The following ATP10B variants were observed in gnomAD, a reference collection of about 807,000 sequenced individuals.
The protein encoded by ATP10B is phospholipid-transporting ATPase VB.
ATP10B carries 122 observed loss-of-function variants against 141.2 expected under a neutral mutation model. The observed-to-expected ratio is 0.86, with a 90% CI of 0.75 to 1.00. The LOEUF is 1.00. Ranked by LOEUF, ATP10B falls within the 50% of genes least tolerant of loss-of-function variation. ATP10B has a pLI of 0.00. For missense variants in ATP10B, 1,876 were observed against 1,825.3 expected (o/e 1.03, Z -0.51); for synonymous variants, 685 against 692.0 (o/e 0.99, Z 0.16).
chr5:160,701,548 T>G (rs547966103), intron 3 of ATP10B, among the ~76,000 whole-genome samples: 1 of 152,272 alleles, frequency 6.6e-6, no homozygotes, highest in South Asian at 2.1e-4. Context: ...ATTGAGGGAT[T>G]CTACAAGGCA....
chr5:160,735,224 T>TA (rs1282186565), intron 2 of ATP10B, among the ~76,000 whole-genome samples: 112 of 144,684 alleles, frequency 7.7e-4, no homozygotes, highest in African/African-American at 1.4e-3. Context: ...CTGAATGGAC[T>TA]AAAAAAAAAA....
chr5:160,779,066 G>A (rs1285419534), intron 2 of ATP10B, among the ~76,000 whole-genome samples: 1 of 152,168 alleles, frequency 6.6e-6, no homozygotes, highest in African/African-American at 2.4e-5. Context: ...TGCAGAAGCT[G>A]GTTATGTGTT....
At position 160,567,362 on chromosome 5, in the gene ATP10B, G is replaced by A. The variant is rs558466782; in HGVS notation, c.3939-1462C>T. 9.9e-5 allele frequency among the ~76,000 whole-genome samples: 15 copies of A among 152,242 alleles called. No homozygotes were observed. The South Asian group carries it at 1.9e-3, about 19-fold the overall frequency. On this transcript the variant is annotated intron_variant, in intron 25 of 25. Coordinates refer to ENST00000327245, the MANE Select transcript of ATP10B (RefSeq NM_025153.3). ...GGAAGGAAGTGCTGACAGTTCCACC[G>A]GCCATGTATTTCTCAAATCCACGCC...
At chr5:160,807,616 T>C (rs1273602870) in intron 1 of ATP10B, among the ~76,000 whole-genome samples, 1 of 152,084 alleles carries the variant, frequency 6.6e-6, no homozygotes, top group East Asian at 1.9e-4. Context: ...GAATGGAAAA[T>C]TGAGAAACTG....
chr5:160,666,845 G>T (rs1472574648), intron 7 of ATP10B, among the ~76,000 whole-genome samples: 1 of 152,160 alleles, frequency 6.6e-6, no homozygotes, highest in African/African-American at 2.4e-5. Context: ...CAATAAATGT[G>T]TGCTTTCAAG....
intron 1 of ATP10B, among the ~76,000 whole-genome samples, chr5:160,835,749 T>C (rs747307033): frequency 5.1e-4 from 78 of 152,282 alleles, no homozygotes; most frequent in Non-Finnish European, 7.9e-4. Context: ...TTAGAATGTT[T>C]GGCTTCTAGG....
chr5:160,762,913 A>C (rs1023756134), intron 2 of ATP10B, among the ~76,000 whole-genome samples: 2 of 149,474 alleles, frequency 1.3e-5, no homozygotes, highest in African/African-American at 4.8e-5. Context: ...AGGAATAGCT[A>C]TTCTTATATC....
the ATP10B span, among the ~76,000 whole-genome samples, chr5:160,901,618 A>G: frequency 2.6e-5 from 4 of 152,210 alleles, no homozygotes; most frequent in Admixed American, 2.6e-4. Context: ...TGCAATGAAG[A>G]GTAATTGAGG....
At chr5:160,752,949 C>T (rs1360054307) in intron 2 of ATP10B, among the ~76,000 whole-genome samples, 1 of 152,172 alleles carries the variant, frequency 6.6e-6, no homozygotes, top group Non-Finnish European at 1.5e-5. Context: ...CCATCAGTTC[C>T]TCTTACTTTC....
intron 1 of ATP10B, among the ~76,000 whole-genome samples, chr5:160,822,017 A>G (rs1353227923): frequency 6.6e-6 from 1 of 152,152 alleles, no homozygotes; most frequent in Non-Finnish European, 1.5e-5. Context: ...AAATGGGATC[A>G]CATCAAGTTA....
chr5:160,826,107 G>A (rs1389365170), intron 1 of ATP10B, among the ~76,000 whole-genome samples: 2 of 152,142 alleles, frequency 1.3e-5, no homozygotes, highest in African/African-American at 4.8e-5. Context: ...TGAGTAGCAT[G>A]GCAATGAACA....
At chr5:160,642,561 C>T (rs535589069) in intron 9 of ATP10B, among the ~76,000 whole-genome samples, 14 of 152,174 alleles carry the variant, frequency 9.2e-5, no homozygotes, top group Middle Eastern at 3.4e-3. Context: ...TGGGTAGAGG[C>T]CAGAGATGCT....
the ATP10B span, among the ~76,000 whole-genome samples, chr5:160,921,123 CT>C: frequency 6.6e-6 from 1 of 152,106 alleles, no homozygotes. Context: ...TATTGTCATT[CT>C]TCCTCTACAG....
At chr5:160,922,558 A>C in the ATP10B span, among the ~76,000 whole-genome samples, 11 of 152,362 alleles carry the variant, frequency 7.2e-5, no homozygotes, top group East Asian at 1.7e-3. Context: ...AGGCAGAGAA[A>C]TACTGAGATG....
At chr5:160,595,435 A>G (rs1344002361) in intron 22 of ATP10B, among the ~76,000 whole-genome samples, 4 of 152,246 alleles carry the variant, frequency 2.6e-5, no homozygotes, top group Admixed American at 1.3e-4. Context: ...CACAAGAGAA[A>G]GCAGGAAAGA....
At chr5:160,813,037 T>G (rs1245584584) in intron 1 of ATP10B, among the ~76,000 whole-genome samples, 1 of 152,206 alleles carries the variant, frequency 6.6e-6, no homozygotes, top group East Asian at 1.9e-4. Flanking sequence ...ACAGCTCCAG[T>G]CTACAGCTCC....
At chr5:160,656,212 C>A (rs1561710940) in intron 7 of ATP10B, among the ~76,000 whole-genome samples, 2 of 152,152 alleles carry the variant, frequency 1.3e-5, no homozygotes, top group South Asian at 2.1e-4. Context: ...TGTTTTCTGG[C>A]TACCCATCTT....
At chr5:160,686,022 G>A (rs1232644533) in intron 6 of ATP10B, 57 bp downstream of exon 6, 1 of 1,283,724 alleles carries the variant, frequency 7.8e-7, no homozygotes, top group Non-Finnish European at 1.1e-6. Flanking sequence ...CTGAGGCTAT[G>A]CTGATGAGTT....
rs900412879 is a variant in ATP10B at position 160,717,034 on chromosome 5, T to G, written c.-330A>C. On this transcript the variant is annotated splice_region_variant and 5_prime_UTR_variant, in exon 3 of 26. Coordinates refer to ENST00000327245, the MANE Select transcript of ATP10B (RefSeq NM_025153.3). ...TTGTTGATCAGAATAAATTGCAAGT[T>G]CTGTAAGCAAGAAAAGAAAATATTG... 5.1e-6 allele frequency: 5 copies of G among 985,424 alleles called. No individual in the cohort carries two copies. In the African/African-American group the frequency reaches 8.7e-5, roughly 17 times the overall value. 61.0% of individuals were successfully genotyped at this position (985,424 alleles called of 1,614,324 possible).
Sources: allele counts gnomAD v4.1 joint callset (sites outside exome capture counted in the v4.1 genomes callset), GRCh38; gene constraint gnomAD v4.1.1; transcripts MANE v1.5; gene names NCBI Gene and HGNC (gene_info 2026-07-23, HGNC 2026-07-21).